ARHGAP28: variants seen among roughly 807,000 people sequenced by gnomAD.
The protein encoded by ARHGAP28 is rho GTPase-activating protein 28.
Under a neutral mutation model 90.7 loss-of-function variants are expected in ARHGAP28, and 56 were observed. That is an observed-to-expected ratio of 0.62 (90% CI 0.50 to 0.77). The LOEUF (loss-of-function observed/expected upper bound fraction) is 0.77. Ranked by LOEUF, ARHGAP28 falls within the 30% of genes least tolerant of loss-of-function variation. The probability of loss-of-function intolerance (pLI) is 0.00; values close to 1 mark genes in which losing one functional copy is unlikely to be tolerated. For synonymous variants in ARHGAP28, 308 were observed against 323.3 expected, an observed-to-expected ratio of 0.95 and a Z score of 0.51; for missense variants, 869 against 900.9, an observed-to-expected ratio of 0.96 and a Z score of 0.45.
At chr18:6,732,151 C>G (rs1185571791) in intron 1 of ARHGAP28, among the ~76,000 whole-genome samples, 1 of 150,918 alleles carries the variant, frequency 6.6e-6, no homozygotes, top group East Asian at 1.9e-4. Context: ...TAGTATCTTT[C>G]TATTTGGTCA....
intron 1 of ARHGAP28, among the ~76,000 whole-genome samples, chr18:6,763,802 G>C (rs1015151273): frequency 3.9e-5 from 6 of 152,220 alleles, no homozygotes; most frequent in Admixed American, 3.3e-4. Context: ...TTTAGGTAGG[G>C]AGGATACAGG....
chr18:6,759,057 T>C (rs1302955478), intron 1 of ARHGAP28, among the ~76,000 whole-genome samples: 1 of 152,216 alleles, frequency 6.6e-6, no homozygotes, highest in Non-Finnish European at 1.5e-5. Flanking sequence ...ACTTAGTATG[T>C]ATGGAGTGGG....
intron 16 of ARHGAP28, among the ~76,000 whole-genome samples, chr18:6,902,981 A>G (rs1461065949): frequency 2.0e-5 from 3 of 152,242 alleles, no homozygotes; most frequent in African/African-American, 7.2e-5. Flanking sequence ...TGATTCAGCC[A>G]TAAAAAGGAA....
rs958977825 is a variant in ARHGAP28 at position 6,890,074 on chromosome 18, A to G, written c.1723A>G (p.Ile575Val). The change falls in exon 13 of 18, where the codon ATT becomes GTT. Residue 575 changes from isoleucine to valine, a missense_variant. Physicochemically the swap from Ile to Val is conservative, Grantham distance 29 (BLOSUM62 3). Coordinates refer to ENST00000383472, the MANE Select transcript of ARHGAP28 (RefSeq NM_001366230.1). ...IIRLMLKYQK[I>V]LWKVPSFLIT... ...CCGCCTAATGCTTAAGTACCAGAAG[A>G]TTTTGTGGAAGGTGAGTGACATAGT... is the stretch of plus-strand genomic sequence containing the variant. 3 of 1,614,008 alleles carry G rather than the reference A, an allele frequency of 1.9e-6. No homozygotes were observed. The African/African-American group carries it at 4.0e-5, about 22-fold the overall frequency.
intron 3 of ARHGAP28, among the ~76,000 whole-genome samples, chr18:6,837,640 C>A (rs762656102): frequency 6.6e-6 from 1 of 152,132 alleles, no homozygotes; most frequent in Non-Finnish European, 1.5e-5. Flanking sequence ...TAAACTTATT[C>A]CCTTTGTTGA....
rs1600240606 is a variant in ARHGAP28 at position 6,845,504 on chromosome 18, T to C, written c.544-5530T>C. ...GTAAACATGTGCCATGGTGTTTTGC[T>C]GCACAGATCAACCCATCACATTGGT... On this transcript the variant is annotated intron_variant, in intron 3 of 17. Coordinates refer to ENST00000383472, the MANE Select transcript of ARHGAP28 (RefSeq NM_001366230.1). 3.3e-5 allele frequency among the ~76,000 whole-genome samples: 5 copies of C among 152,326 alleles called. 1 individual carries two copies. Among genetic ancestry groups the C allele is most frequent in the African/African-American group, 1.2e-4 (5 of 41,570 alleles).
intron 1 of ARHGAP28, among the ~76,000 whole-genome samples, chr18:6,733,454 C>T (rs1428681218): frequency 1.3e-5 from 2 of 152,186 alleles, no homozygotes; most frequent in East Asian, 3.9e-4. Context: ...TATATAATTT[C>T]TATCACCATA....
intron 1 of ARHGAP28, among the ~76,000 whole-genome samples, chr18:6,775,527 T>A (rs2056276784): frequency 6.6e-6 from 1 of 151,548 alleles, no homozygotes; most frequent in Admixed American, 6.6e-5. Flanking sequence ...GTTTGTTTGT[T>A]TTTAGTTTTA....
chr18:6,831,460 TG>T (rs1325588005), intron 2 of ARHGAP28, among the ~76,000 whole-genome samples: 1 of 147,792 alleles, frequency 6.8e-6, no homozygotes, highest in Admixed American at 7.0e-5. Context: ...AGTTCATTTT[TG>T]TATCTTGATG....
At chr18:6,796,960 T>C (rs1317696569) in intron 1 of ARHGAP28, among the ~76,000 whole-genome samples, 1 of 152,208 alleles carries the variant, frequency 6.6e-6, no homozygotes, top group African/African-American at 2.4e-5. Flanking sequence ...TGAAGGGGTC[T>C]GTAAACTGGG....
intron 16 of ARHGAP28, chr18:6,897,503 A>G (rs139946533): frequency 3.5e-4 from 53 of 152,370 alleles, no homozygotes; most frequent in African/African-American, 1.1e-3. Context: ...TTACTAAAGA[A>G]TAAACATTTG....
At position 6,841,144 on chromosome 18, in the gene ARHGAP28, GTCTCTCTCCTCTTTC is replaced by G. The variant is rs1195586572; in HGVS notation, c.543+3743_543+3757del. On this transcript the variant is annotated intron_variant, in intron 3 of 17. Transcript: ENST00000383472. ...TTCTCTCTCTCTCTCCTCTCTCACT[GTCTCTCTCCTCTTTC>G]TCTCTCTCCTCTCTCTCTCTCCTCT... is the stretch of plus-strand genomic sequence containing the variant. 1.5e-3 allele frequency among the ~76,000 whole-genome samples: 121 copies of G among 83,132 alleles called. No individual in the cohort carries two copies. The East Asian group carries it at 0.023, about 16-fold the overall frequency. The allele number at this position is 83,132 out of a possible 152,430, so 54.5% of individuals were successfully genotyped here. A position where few individuals can be genotyped will look rare whatever the true frequency, so the allele number is the denominator to read the frequency against.
At chr18:6,801,634 T>A (rs561585351) in intron 1 of ARHGAP28, among the ~76,000 whole-genome samples, 116 of 152,246 alleles carry the variant, frequency 7.6e-4, no homozygotes, top group Middle Eastern at 3.4e-3. Flanking sequence ...ACTTTTAAAA[T>A]TTGCTATATA....
rs144997170 is a variant in ARHGAP28 at position 6,832,612 on chromosome 18, C to G, written c.326-4585C>G. On this transcript the variant is annotated intron_variant, in intron 2 of 17. Coordinates refer to ENST00000383472, the MANE Select transcript of ARHGAP28 (RefSeq NM_001366230.1). ...TGCATATACATTTATGATTGTTACT[C>G]CTTGTTGAATTGACTCATTTTATCA... is the stretch of plus-strand genomic sequence containing the variant. Among the ~76,000 whole-genome samples, 30 of 151,998 alleles carry G rather than the reference C, an allele frequency of 2.0e-4. No homozygotes were observed. The East Asian group carries it at 5.8e-3, about 29-fold the overall frequency.
intron 9 of ARHGAP28, chr18:6,874,732 G>A (rs1016236689): frequency 1.3e-5 from 2 of 152,144 alleles, no homozygotes; most frequent in African/African-American, 4.8e-5. Flanking sequence ...TAGGAGCCAG[G>A]AAGATGGCAC....
intron 14 of ARHGAP28, among the ~76,000 whole-genome samples, chr18:6,893,282 C>T (rs1477445361): frequency 2.0e-5 from 3 of 152,144 alleles, no homozygotes; most frequent in Admixed American, 2.0e-4. Context: ...CATTCTGCTC[C>T]CTGCCAGTAC....
At chr18:6,769,922 A>G (rs1391223278) in intron 1 of ARHGAP28, among the ~76,000 whole-genome samples, 1 of 152,236 alleles carries the variant, frequency 6.6e-6, no homozygotes, top group Non-Finnish European at 1.5e-5. Context: ...AAATACCCCT[A>G]AACTCTTAGA....
At chr18:6,798,928 A>G (rs183962180) in intron 1 of ARHGAP28, among the ~76,000 whole-genome samples, 69 of 152,348 alleles carry the variant, frequency 4.5e-4, no homozygotes, top group African/African-American at 1.6e-3. Context: ...ACCCTGTGAC[A>G]GACTGAGGGA....
chr18:6,743,433 T>C (rs562851917), intron 1 of ARHGAP28, among the ~76,000 whole-genome samples: 24 of 152,298 alleles, frequency 1.6e-4, no homozygotes, highest in Non-Finnish European at 2.4e-4. Flanking sequence ...AATGGTTAAC[T>C]GTGGAGGCTG....
Sources: allele counts gnomAD v4.1 joint callset (sites outside exome capture counted in the v4.1 genomes callset), GRCh38; gene constraint gnomAD v4.1.1; transcripts MANE v1.5; gene names NCBI Gene and HGNC (gene_info 2026-07-23, HGNC 2026-07-21).